Variants in TBL1X observed in about 807,000 individuals in gnomAD.
TBL1X encodes the protein transducin beta like 1 X-linked, also known as F-box-like/WD repeat-containing protein TBL1X.
In TBL1X, 10 loss-of-function variants were observed where a neutral mutation model predicts 50.7. The ratio of observed to expected loss-of-function variants is 0.20; its 90% CI spans 0.12 to 0.33. The LOEUF (loss-of-function observed/expected upper bound fraction) is 0.33. TBL1X is among the 10% of genes least tolerant of loss of function. The probability of loss-of-function intolerance (pLI) is 1.00; values close to 1 mark genes in which losing one functional copy is unlikely to be tolerated. For synonymous variants in TBL1X, 190 were observed against 214.7 expected (o/e 0.88, Z 1.01); for missense variants, 340 against 504.4 (o/e 0.67, Z 3.12).
At chrX:9,569,181 GTCTA>G (rs1229435886) in intron 2 of TBL1X, among the ~76,000 whole-genome samples, 3 of 106,281 alleles carry the variant, frequency 2.8e-5, no homozygotes, top group East Asian at 3.0e-4. Flanking sequence ...TGTGTGTTGT[GTCTA>G]TCTGTGCAGT....
intron 5 of TBL1X, among the ~76,000 whole-genome samples, chrX:9,671,961 G>T (rs111936307): frequency 0.042 from 4,718 of 112,281 alleles, 237 homozygotes; most frequent in African/African-American, 0.15. Flanking sequence ...TCAGTTGTAC[G>T]ATCTTTTCTA....
intron 2 of TBL1X, among the ~76,000 whole-genome samples, chrX:9,564,731 C>CAA (rs1325314175): frequency 0.018 from 1,392 of 76,757 alleles, 40 homozygotes; most frequent in African/African-American, 0.063. Flanking sequence ...GACTCTGTCT[C>CAA]AAAAAAAAAA....
Position 9,719,336 on chromosome X carries a change from G to C in TBL1X, c.*3090G>C, listed in dbSNP as rs1413326067. 8.9e-6 allele frequency: 1 copy of C among 112,094 alleles called. No homozygotes were observed. Among genetic ancestry groups the C allele is most frequent in the Non-Finnish European group, 1.9e-5 (1 of 53,170 alleles). The allele number at this position is 112,094 out of a possible 1,213,427, so 9.2% of individuals were successfully genotyped here. On this transcript the variant is annotated 3_prime_UTR_variant, in exon 18 of 18. Transcript: ENST00000645353. ...TCTAAGAAATAGATCATGGAGCCAA[G>C]TGAAGTGCACTTTGTCAAATGTAAG...
At position 9,662,128 on chromosome X, in the gene TBL1X, C is replaced by T. The variant is rs141454403; in HGVS notation, c.211+7806C>T. 3.7e-3 allele frequency among the ~76,000 whole-genome samples: 415 copies of T among 111,306 alleles called. 1 individual carries two copies. The highest frequency in any genetic ancestry group is 0.024 in the South Asian group (63 of 2,618). On this transcript the variant is annotated intron_variant, in intron 5 of 17. Transcript: ENST00000645353. ...GGATTCATCATCCTCAAGTTTTTGCCGGAGTGGAGGCCAGGCTGTGTGCTG... is the reference window on the plus strand; with the variant it reads ...GGATTCATCATCCTCAAGTTTTTGCTGGAGTGGAGGCCAGGCTGTGTGCTG...
Position 9,465,351 on chromosome X carries a change from CGCCGCACGGCCGGGACTCGGAGGCT to C in TBL1X, c.-292_-268del, listed in dbSNP as rs1464674024. 1 of 108,801 alleles carries C rather than the reference CGCCGCACGGCCGGGACTCGGAGGCT, an allele frequency of 9.2e-6. No individual in the cohort carries two copies. The highest frequency in any genetic ancestry group is 3.3e-5 in the African/African-American group (1 of 30,481). The allele number at this position is 108,801 out of a possible 1,213,427, so 9.0% of individuals were successfully genotyped here. A position where few individuals can be genotyped will look rare whatever the true frequency, so the allele number is the denominator to read the frequency against. On this transcript the variant is annotated 5_prime_UTR_variant, in exon 1 of 18. Coordinates refer to ENST00000645353, the MANE Select transcript of TBL1X (RefSeq NM_005647.4). ...TCCGGGGCGCCGGGCCCTCTTCGGCCGCCGCACGGCCGGGACTCGGAGGCTGCCGGCTGGAGGGAGGTTCGGAGCG... is the reference window on the plus strand; with the variant it reads ...TCCGGGGCGCCGGGCCCTCTTCGGCCGCCGGCTGGAGGGAGGTTCGGAGCG...
At chrX:9,714,192 A>G (rs1340938374) in intron 16 of TBL1X, among the ~76,000 whole-genome samples, 2 of 112,099 alleles carry the variant, frequency 1.8e-5, no homozygotes, top group South Asian at 3.7e-4. Context: ...ACCGGAAACC[A>G]ATGGTCTGTG....
chrX:9,589,366 T>A (rs1207359910), intron 2 of TBL1X, among the ~76,000 whole-genome samples: 1 of 108,373 alleles, frequency 9.2e-6, no homozygotes, highest in East Asian at 2.9e-4. Context: ...TCCTGCCTCC[T>A]CCAGCTCTTG....
chrX:9,554,168 A>G (rs1305657710), intron 2 of TBL1X, among the ~76,000 whole-genome samples: 1 of 112,721 alleles, frequency 8.9e-6, no homozygotes, highest in African/African-American at 3.2e-5. Flanking sequence ...GGCATGAGCT[A>G]CGGTGCCCAG....
intron 2 of TBL1X, among the ~76,000 whole-genome samples, chrX:9,583,543 A>G (rs763486601): frequency 9.0e-4 from 101 of 111,814 alleles, no homozygotes; most frequent in African/African-American, 3.2e-3. Context: ...TCAATGGCAT[A>G]TAAAGGAAAA....
At chrX:9,626,223 G>GT (rs778880841) in intron 2 of TBL1X, among the ~76,000 whole-genome samples, 1 of 111,759 alleles carries the variant, frequency 8.9e-6, no homozygotes, top group East Asian at 2.8e-4. Context: ...GATTCTGTAT[G>GT]TTTTTTGAGA....
chrX:9,587,321 G>A (rs1326193028), intron 2 of TBL1X, among the ~76,000 whole-genome samples: 3 of 112,313 alleles, frequency 2.7e-5, no homozygotes, highest in African/African-American at 9.7e-5. Flanking sequence ...AACACCCCCA[G>A]TGGTGGGGAG....
chrX:9,503,657 G>T (rs1271001727), intron 2 of TBL1X, among the ~76,000 whole-genome samples: 1 of 113,320 alleles, frequency 8.8e-6, no homozygotes, highest in Non-Finnish European at 1.9e-5. Flanking sequence ...GGCTGTGGCA[G>T]TCTGCGGCTA....
At chrX:9,642,152 T>C (rs186456447) in intron 3 of TBL1X, among the ~76,000 whole-genome samples, 1 of 111,789 alleles carries the variant, frequency 8.9e-6, no homozygotes, top group Non-Finnish European at 1.9e-5. Context: ...TTCAGTACTT[T>C]GGGAACATAA....
intron 5 of TBL1X, among the ~76,000 whole-genome samples, chrX:9,661,014 G>T (rs911037657): frequency 8.9e-6 from 1 of 111,764 alleles, no homozygotes; most frequent in African/African-American, 3.3e-5. Context: ...TCGGGAAGCG[G>T]GTTCTCACCA....
intron 1 of TBL1X, among the ~76,000 whole-genome samples, chrX:9,467,647 T>G (rs1204804732): frequency 9.0e-6 from 1 of 110,855 alleles, no homozygotes; most frequent in East Asian, 2.8e-4. Context: ...AAAGATAAAC[T>G]TTTTTCCCCC....
chrX:9,588,160 T>C (rs1423542641), intron 2 of TBL1X, among the ~76,000 whole-genome samples: 1 of 111,993 alleles, frequency 8.9e-6, no homozygotes, highest in East Asian at 2.8e-4. Flanking sequence ...GACATTGACA[T>C]TGTATTGGGT....
chrX:9,545,000 CTTTTT>C (rs34726098), intron 2 of TBL1X, among the ~76,000 whole-genome samples: 9 of 71,753 alleles, frequency 1.3e-4, no homozygotes, highest in African/African-American at 2.8e-4. Context: ...TTTCCCCCCA[CTTTTT>C]TTTTTTTTTT....
At chrX:9,479,149 T>C (rs1285771571) in intron 1 of TBL1X, among the ~76,000 whole-genome samples, 1 of 113,207 alleles carries the variant, frequency 8.8e-6, no homozygotes, top group Non-Finnish European at 1.9e-5. Context: ...GTAGTGTTTA[T>C]ATAAAACAGC....
At chrX:9,546,471 A>G (rs2082242790) in intron 2 of TBL1X, among the ~76,000 whole-genome samples, 1 of 111,043 alleles carries the variant, frequency 9.0e-6, no homozygotes, top group Non-Finnish European at 1.9e-5. Flanking sequence ...TCGAGATTGC[A>G]CCACTGCACT....
Sources: gnomAD v4.1 joint callset for allele counts (sites outside exome capture counted in the v4.1 genomes callset) on GRCh38, gnomAD v4.1.1 for gene constraint, MANE v1.5 for transcripts, NCBI Gene and HGNC (gene_info 2026-07-23, HGNC 2026-07-21) for gene names.